MAP3K5: variants seen among roughly 807,000 people sequenced by gnomAD.
MAP3K5 encodes the protein ASK-1.
In MAP3K5, 56 loss-of-function variants were observed where a neutral mutation model predicts 158.7. The observed-to-expected ratio is 0.35, with a 90% CI of 0.28 to 0.44. MAP3K5 has a LOEUF of 0.44. Ranked by LOEUF, MAP3K5 falls within the 20% of genes least tolerant of loss-of-function variation. The pLI is 1.00. For synonymous variants in MAP3K5, 579 were observed against 601.7 expected, an observed-to-expected ratio of 0.96 and a Z score of 0.55; for missense variants, 1,294 against 1,674.8, an observed-to-expected ratio of 0.77 and a Z score of 3.97.
At chr6:136,775,315 CT>C (rs1170102608) in intron 1 of MAP3K5, among the ~76,000 whole-genome samples, 1 of 152,108 alleles carries the variant, frequency 6.6e-6, no homozygotes, top group Non-Finnish European at 1.5e-5. Context: ...ATACTTTTTG[CT>C]GTGGCTAAAT....
intron 4 of MAP3K5, 113 bp from the exon 5 acceptor site, chr6:136,697,500 G>T: frequency 1.2e-6 from 1 of 812,708 alleles, no homozygotes; most frequent in Non-Finnish European, 1.9e-6. Flanking sequence ...TAAAGCATTT[G>T]TAGTTTTCAG....
chr6:136,703,499 A>G (rs1476290411), intron 3 of MAP3K5, among the ~76,000 whole-genome samples: 1 of 152,226 alleles, frequency 6.6e-6, no homozygotes, highest in African/African-American at 2.4e-5. Context: ...TTCCACTTCC[A>G]GCCTCCCCTG....
chr6:136,709,468 G>C (rs1781216969), intron 2 of MAP3K5, among the ~76,000 whole-genome samples: 1 of 152,026 alleles, frequency 6.6e-6, no homozygotes, highest in Non-Finnish European at 1.5e-5. Flanking sequence ...GCTGCTAGAA[G>C]GAGAGATGCC....
At chr6:136,686,906 A>G (rs1481671563) in intron 7 of MAP3K5, among the ~76,000 whole-genome samples, 5 of 152,246 alleles carry the variant, frequency 3.3e-5, no homozygotes, top group Non-Finnish European at 7.3e-5. Flanking sequence ...CATTCTTCAC[A>G]GAATTAGAAA....
chr6:136,616,777 G>A (rs983920749), intron 15 of MAP3K5, among the ~76,000 whole-genome samples: 28 of 151,982 alleles, frequency 1.8e-4, no homozygotes, highest in African/African-American at 6.8e-4. Flanking sequence ...CACCCAGGCT[G>A]GAATGCAGTG....
intron 14 of MAP3K5, among the ~76,000 whole-genome samples, chr6:136,623,445 C>T (rs1037266992): frequency 3.9e-5 from 6 of 152,190 alleles, no homozygotes; most frequent in African/African-American, 1.4e-4. Context: ...AAAATGTTGA[C>T]ATCTTACCAG....
chr6:136,791,942 G>T lies in MAP3K5; in HGVS notation c.216C>A (p.Ser72=). Residue 72 remains serine, a synonymous_variant, in exon 1 of 30, where the codon TCC becomes TCA. Coordinates refer to ENST00000359015, the MANE Select transcript of MAP3K5 (RefSeq NM_005923.4). ...APGIGCPAAT[S]SSSATRGRGS... The stretch of plus-strand genomic sequence containing the variant: ...CCCGGCCTCGGGTGGCACTGCTCGA[G>T]GAGGTGGCCGCCGGACAACCGATGC... 1.2e-6 allele frequency: 2 copies of T among 1,611,574 alleles called. No homozygotes were observed. The highest frequency in any genetic ancestry group is 1.7e-4 in the Middle Eastern group (1 of 6,022).
At chr6:136,780,607 C>A (rs1784577221) in intron 1 of MAP3K5, among the ~76,000 whole-genome samples, 1 of 152,064 alleles carries the variant, frequency 6.6e-6, no homozygotes, top group East Asian at 1.9e-4. Context: ...TGCACTTTCT[C>A]AGGAAGGGAA....
intron 9 of MAP3K5, among the ~76,000 whole-genome samples, chr6:136,658,304 TCTTTC>T (rs1562586991): frequency 7.2e-5 from 9 of 124,990 alleles, no homozygotes; most frequent in Admixed American, 2.8e-4. Context: ...TTTCTTTCTT[TCTTTC>T]TTTCTTTTTT....
At chr6:136,775,246 G>A (rs1784360389) in intron 1 of MAP3K5, among the ~76,000 whole-genome samples, 1 of 152,220 alleles carries the variant, frequency 6.6e-6, no homozygotes, top group Non-Finnish European at 1.5e-5. Context: ...GCTGGATTCA[G>A]GAAGAAATTT....
chr6:136,600,980 C>A (rs1460628810), intron 21 of MAP3K5, 42 bp downstream of exon 21: 8 of 1,607,936 alleles, frequency 5.0e-6, no homozygotes, highest in African/African-American at 1.3e-5. Flanking sequence ...TCACACCAGA[C>A]ACCAGGTCTC....
At chr6:136,611,107 C>CAAAAAA (rs59508317) in intron 18 of MAP3K5, among the ~76,000 whole-genome samples, 175 bp downstream of exon 18, 16 of 24,450 alleles carry the variant, frequency 6.5e-4, no homozygotes, top group African/African-American at 1.3e-3. Flanking sequence ...GACCCTGTCT[C>CAAAAAA]AAAAAAAAAA....
intron 21 of MAP3K5, among the ~76,000 whole-genome samples, chr6:136,600,260 G>A (rs933510958): frequency 1.4e-5 from 2 of 145,790 alleles, no homozygotes; most frequent in African/African-American, 5.1e-5. Context: ...GTATAATCAC[G>A]GCTCACTACA....
chr6:136,755,274 A>T (rs1189663883), intron 1 of MAP3K5, among the ~76,000 whole-genome samples: 4 of 151,902 alleles, frequency 2.6e-5, no homozygotes, highest in Admixed American at 6.6e-5. Context: ...TTCCTCCTAG[A>T]TCCTCATGCA....
In MAP3K5 at chr6:136,614,043, A is replaced by T. The variant is rs566234079; in HGVS notation, c.2278+116T>A. 6.6e-5 allele frequency: 75 copies of T among 1,131,494 alleles called. No individual in the cohort carries two copies. In the African/African-American group the frequency reaches 1.1e-3, roughly 17 times the overall value. 70.1% of individuals were successfully genotyped at this position (1,131,494 alleles called of 1,614,324 possible). ...AAACTGGAGGTAATGTCACATGTCC[A>T]ATTTTTCTTTCAGTTTAGACAGATT... On this transcript the variant is annotated intron_variant, in intron 16 of 29. Transcript: ENST00000359015.
intron 19 of MAP3K5, 142 bp from the exon 20 acceptor site, chr6:136,602,121 A>C: frequency 1.5e-6 from 1 of 660,566 alleles, no homozygotes; most frequent in Non-Finnish European, 2.6e-6. Context: ...TCAAAGGGAG[A>C]TAAGATGTGT....
rs767682792 is a variant in MAP3K5, at chr6:136,695,994, A to C, written c.1039T>G (p.Ser347Ala). 3.7e-6 allele frequency: 6 copies of C among 1,613,724 alleles called. No individual in the cohort carries two copies. In the East Asian group the frequency reaches 1.3e-4, roughly 36 times the overall value. Residue 347 changes from serine to alanine, a missense_variant, in exon 6 of 30, where the codon TCC becomes GCC. Ser to Ala is a moderately conservative substitution (Grantham distance 99, BLOSUM62 1). Around this residue, in one of 5 missense-constraint regions of MAP3K5, gnomAD observed 690 missense variants for 870.5 expected, o/e 0.79. Transcript: ENST00000359015. Reference protein sequence around the residue: ...LEKLPTFDLASHHHVKFHYAF... With the variant: ...LEKLPTFDLAAHHHVKFHYAF... ...TAATGAAACTTCACATGGTGATGGGAGGCCAAATCAAAGGTTGGCAGTTTT... is the reference window on the plus strand; with the variant it reads ...TAATGAAACTTCACATGGTGATGGGCGGCCAAATCAAAGGTTGGCAGTTTT...
intron 7 of MAP3K5, among the ~76,000 whole-genome samples, chr6:136,674,615 G>A (rs1562601371): frequency 6.6e-6 from 1 of 151,944 alleles, no homozygotes; most frequent in Non-Finnish European, 1.5e-5. Context: ...ACTATCAGTT[G>A]CCACATTAAA....
At chr6:136,664,678 C>T (rs528802897) in intron 8 of MAP3K5, among the ~76,000 whole-genome samples, 20 of 152,226 alleles carry the variant, frequency 1.3e-4, no homozygotes, top group African/African-American at 3.9e-4. Flanking sequence ...TACACTCGGC[C>T]GGATGTGGTG....
Sources: gnomAD v4.1 joint callset for allele counts (sites outside exome capture counted in the v4.1 genomes callset) on GRCh38, gnomAD v4.1.1 for gene constraint, gnomAD v4.1.1 regional missense constraint, MANE v1.5 for transcripts, NCBI Gene and HGNC (gene_info 2026-07-23, HGNC 2026-07-21) for gene names.